The following CCDC122 variants were observed in gnomAD, a reference collection of about 807,000 sequenced individuals.
CCDC122 encodes coiled-coil domain-containing protein 122.
CCDC122 carries 38 observed loss-of-function variants against 37.0 expected under a neutral mutation model. The ratio of observed to expected loss-of-function variants is 1.03; its 90% CI spans 0.79 to 1.35. The LOEUF is 1.35. Ranked by LOEUF, CCDC122 falls within the 40% of genes most tolerant of loss-of-function variation. CCDC122 has a pLI of 0.00. For missense variants in CCDC122, 305 were observed against 310.0 expected, an observed-to-expected ratio of 0.98 and a Z score of 0.12; for synonymous variants, 83 against 95.6, an observed-to-expected ratio of 0.87 and a Z score of 0.77.
At position 43,860,007 on chromosome 13, in the gene CCDC122, T is replaced by G; in HGVS notation, c.220A>C (p.Arg74=). The part of the protein sequence containing the change: ...AISAETKETE[R]QIYQQDSAIE... ...GCAGAATCTTGTTGATAAATTTGTCTTTCTGTTTCTTTAGTTTCTGCAGAG... is the reference window on the plus strand; with the variant it reads ...GCAGAATCTTGTTGATAAATTTGTCGTTCTGTTTCTTTAGTTTCTGCAGAG... The change falls in exon 5 of 7, where the codon AGA becomes CGA. Residue 74 remains arginine, a synonymous_variant. Transcript: ENST00000444614. 1 of 1,586,118 alleles carries G rather than the reference T, an allele frequency of 6.3e-7. No individual in the cohort carries two copies. Among genetic ancestry groups the G allele is most frequent in the Non-Finnish European group, 8.6e-7 (1 of 1,167,150 alleles).
intron 3 of CCDC122, among the ~76,000 whole-genome samples, chr13:43,830,998 C>T (rs567945299): frequency 2.6e-5 from 4 of 152,224 alleles, no homozygotes; most frequent in African/African-American, 9.6e-5. Flanking sequence ...GACTGAAAGG[C>T]TTAGAAGATA....
chr13:43,870,048 A>G (rs1480237176), intron 2 of CCDC122, among the ~76,000 whole-genome samples: 1 of 152,164 alleles, frequency 6.6e-6, no homozygotes, highest in Non-Finnish European at 1.5e-5. Flanking sequence ...AATTAACTAC[A>G]AAGCATTCAT....
chr13:43,864,279 T>C (rs900784595), intron 4 of CCDC122, among the ~76,000 whole-genome samples: 2 of 152,210 alleles, frequency 1.3e-5, no homozygotes, highest in African/African-American at 4.8e-5. Context: ...CATGGAAAGA[T>C]ATTTGGTCTT....
chr13:43,873,891 G>T (rs753127414), intron 2 of CCDC122, among the ~76,000 whole-genome samples: 3 of 152,122 alleles, frequency 2.0e-5, no homozygotes, highest in Admixed American at 6.5e-5. Context: ...CATGATGGCA[G>T]ATGTCTAGAA....
downstream of CCDC122, among the ~76,000 whole-genome samples, chr13:43,819,058 T>C (rs1004004092): frequency 6.6e-6 from 1 of 152,126 alleles, no homozygotes; most frequent in Non-Finnish European, 1.5e-5. Context: ...GAAAAAGAAA[T>C]GCTTATGGCC....
intron 6 of CCDC122, chr13:43,855,040 G>A (rs555268698): frequency 6.6e-6 from 1 of 152,240 alleles, no homozygotes; most frequent in East Asian, 1.9e-4. Flanking sequence ...GCAAAAACCA[G>A]AGGCATTCCT....
Position 43,877,049 on chromosome 13 carries a change from G to A in CCDC122, c.-199-2122C>T, listed in dbSNP as rs1307714749. ...TCACTTGAACCCTGTGGAGGCTGCA[G>A]TGAGCCGAGATCGCACCACTGTACT... On this transcript the variant is annotated intron_variant, in intron 1 of 6. Transcript: ENST00000444614. Among the ~76,000 whole-genome samples the A allele has an allele frequency of 5.3e-5, 8 of 152,298 alleles. No homozygotes were observed. In the South Asian group the frequency reaches 1.2e-3, roughly 24 times the overall value.
At chr13:43,874,508 A>G (rs906886714) in intron 2 of CCDC122, among the ~76,000 whole-genome samples, 3 of 152,226 alleles carry the variant, frequency 2.0e-5, no homozygotes, top group Non-Finnish European at 4.4e-5. Flanking sequence ...GATTTATACA[A>G]TAAAAATAAA....
chr13:43,879,521 ACTG>A (rs1343460680), intron 1 of CCDC122, 107 bp downstream of exon 1: 5 of 152,368 alleles, frequency 3.3e-5, no homozygotes, highest in African/African-American at 1.2e-4. Context: ...CAGACCCGGA[ACTG>A]CTGAGGCAGC....
At chr13:43,869,038 T>A (rs1208476048) in intron 3 of CCDC122, among the ~76,000 whole-genome samples, 5 of 152,016 alleles carry the variant, frequency 3.3e-5, no homozygotes, top group South Asian at 4.1e-4. Flanking sequence ...TACGGAACAG[T>A]ATAAATATTT....
At chr13:43,824,266 T>G (rs117831487) in intron 3 of CCDC122, among the ~76,000 whole-genome samples, 1,742 of 152,310 alleles carry the variant, frequency 0.011, 22 homozygotes, top group Non-Finnish European at 0.017. Context: ...TCTTTTTGTT[T>G]TCTTCAACTT....
chr13:43,831,502 C>T (rs757398690), downstream of CCDC122, among the ~76,000 whole-genome samples: 2 of 152,116 alleles, frequency 1.3e-5, no homozygotes, highest in Non-Finnish European at 2.9e-5. Context: ...ATGTCTATTT[C>T]ATGTAAAATA....
At chr13:43,872,511 C>T (rs1282281165) in intron 2 of CCDC122, among the ~76,000 whole-genome samples, 1 of 152,062 alleles carries the variant, frequency 6.6e-6, no homozygotes, top group Non-Finnish European at 1.5e-5. Context: ...CCTCTCACAC[C>T]TCTTTTCCCT....
intron 3 of CCDC122, among the ~76,000 whole-genome samples, chr13:43,830,625 C>A (rs1953080788): frequency 6.6e-6 from 1 of 152,154 alleles, no homozygotes; most frequent in South Asian, 2.1e-4. Context: ...TTTTAAAAAT[C>A]TGAGAGGATT....
At position 43,837,013 on chromosome 13, in the gene CCDC122, T is replaced by G. The variant is rs17065125; in HGVS notation, c.*267A>C. 0.038 allele frequency: 13,146 copies of G among 346,136 alleles called. 543 individuals carry two copies. Among genetic ancestry groups the G allele is most frequent in the African/African-American group, 0.12 (5,920 of 47,792 alleles). The allele number at this position is 346,136 out of a possible 1,614,324, so 21.4% of individuals were successfully genotyped here. ...CAGGTATTCATGAGTATAATACATT[T>G]TACACACTCCAAATAGTCACAGAGA... is the stretch of plus-strand genomic sequence containing the variant. On this transcript the variant is annotated 3_prime_UTR_variant, in exon 7 of 7. Transcript: ENST00000444614.
chr13:43,834,007 A>G (rs1953115417), downstream of CCDC122, among the ~76,000 whole-genome samples: 1 of 152,210 alleles, frequency 6.6e-6, no homozygotes, highest in Admixed American at 6.5e-5. Context: ...TTGAAATATC[A>G]TATCCACTAA....
downstream of CCDC122, among the ~76,000 whole-genome samples, chr13:43,835,245 G>T (rs1266069921): frequency 6.6e-6 from 1 of 152,142 alleles, no homozygotes; most frequent in African/African-American, 2.4e-5. Context: ...TCACTCCTAG[G>T]TGGGAATTGA....
chr13:43,824,646 T>C (rs1268462541), intron 3 of CCDC122, among the ~76,000 whole-genome samples: 1 of 152,104 alleles, frequency 6.6e-6, no homozygotes, highest in Non-Finnish European at 1.5e-5. Flanking sequence ...ATTTGCAAAC[T>C]ATGCAGCTGA....
At chr13:43,828,279 T>G (rs1488135894) in intron 3 of CCDC122, among the ~76,000 whole-genome samples, 1 of 152,126 alleles carries the variant, frequency 6.6e-6, no homozygotes. Flanking sequence ...TCAACATACA[T>G]CAGAGCACGC....
Sources: allele counts gnomAD v4.1 joint callset (sites outside exome capture counted in the v4.1 genomes callset), GRCh38; gene constraint gnomAD v4.1.1; transcripts MANE v1.5; gene names NCBI Gene and HGNC (gene_info 2026-07-23, HGNC 2026-07-21).